KIAA1217: variants seen among roughly 807,000 people sequenced by gnomAD.
KIAA1217 encodes KIAA1217, also known as sickle tail protein homolog.
A neutral mutation model predicts 163.9 loss-of-function variants in KIAA1217; 88 were observed. That is an observed-to-expected ratio of 0.54 (90% CI 0.45 to 0.64). KIAA1217 has a LOEUF of 0.64. Among genes scored for constraint, KIAA1217 ranks in the 30% least tolerant of loss-of-function variants. KIAA1217 has a pLI of 0.00. For missense variants in KIAA1217, 2,372 were observed against 2,475.0 expected, an observed-to-expected ratio of 0.96 and a Z score of 0.88; for synonymous variants, 903 against 923.1, an observed-to-expected ratio of 0.98 and a Z score of 0.39.
chr10:23,768,708 G>C (rs1834658591), intron 1 of KIAA1217, among the ~76,000 whole-genome samples: 1 of 152,208 alleles, frequency 6.6e-6, no homozygotes, highest in South Asian at 2.1e-4. Context: ...ATGAGGGGTT[G>C]AGAAAATACC....
At chr10:23,696,160 AAGG>A (rs1203675027) in intron 1 of KIAA1217, among the ~76,000 whole-genome samples, 1 of 152,218 alleles carries the variant, frequency 6.6e-6, no homozygotes, top group East Asian at 1.9e-4. Context: ...GGATTCTCCC[AAGG>A]AGGTTTTCTT....
chr10:24,361,856 T>C (rs954403569), intron 2 of KIAA1217, among the ~76,000 whole-genome samples: 1 of 151,648 alleles, frequency 6.6e-6, no homozygotes, highest in South Asian at 2.1e-4. Flanking sequence ...GCGCCTGTAG[T>C]CCCAGCTACT....
intron 1 of KIAA1217, among the ~76,000 whole-genome samples, chr10:23,734,854 A>G (rs906611265): frequency 6.6e-6 from 1 of 151,954 alleles, no homozygotes; most frequent in Non-Finnish European, 1.5e-5. Flanking sequence ...GGCTCGTTAT[A>G]TAGGTGAACT....
chr10:24,027,662 AATAG>A lies in KIAA1217; in HGVS notation c.-171+20293_-171+20296del, dbSNP rs781527075. On this transcript the variant is annotated intron_variant, in intron 2 of 18. Coordinates refer to the KIAA1217 transcript ENST00000376462. ...ACAAATGGAAGAAAAATACCATGTT[AATAG>A]ATAGGAAAACTCAATAGTGTAAAAT... is the stretch of plus-strand genomic sequence containing the variant. Among the ~76,000 whole-genome samples, 10 of 152,268 alleles carry A rather than the reference AATAG, an allele frequency of 6.6e-5. No individual in the cohort carries two copies. In the South Asian group the frequency reaches 8.3e-4, roughly 13 times the overall value.
chr10:24,485,579 A>G (rs1174375795), intron 6 of KIAA1217, among the ~76,000 whole-genome samples: 2 of 152,308 alleles, frequency 1.3e-5, no homozygotes, highest in Admixed American at 6.5e-5. Flanking sequence ...TGTAAGTTCC[A>G]TGAGGGCAAG....
chr10:24,321,631 TG>T (rs1405977976), intron 2 of KIAA1217, among the ~76,000 whole-genome samples: 1 of 152,120 alleles, frequency 6.6e-6, no homozygotes, highest in African/African-American at 2.4e-5. Context: ...GGATGAACCT[TG>T]AGGACATTAT....
intron 1 of KIAA1217, among the ~76,000 whole-genome samples, chr10:23,980,308 A>C (rs1195199831): frequency 6.6e-6 from 1 of 152,220 alleles, no homozygotes; most frequent in East Asian, 1.9e-4. Context: ...GATCAAACAA[A>C]TGTCAGATGT....
chr10:24,294,710 C>A lies in KIAA1217; in HGVS notation c.354+74801C>A, dbSNP rs1267352670. On this transcript the variant is annotated intron_variant, in intron 2 of 20. Coordinates refer to ENST00000376454, the MANE Select transcript of KIAA1217 (RefSeq NM_019590.5). ...CATTTAATTAGGATTTAGAAAGGAA[C>A]GTGGAAACTTTAAGATCTCCATTTA... 2.0e-5 allele frequency among the ~76,000 whole-genome samples: 3 copies of A among 152,262 alleles called. No homozygotes were observed. The South Asian group carries it at 6.2e-4, about 32-fold the overall frequency.
chr10:24,210,784 C>A (rs925099510), intron 1 of KIAA1217, among the ~76,000 whole-genome samples: 1 of 152,072 alleles, frequency 6.6e-6, no homozygotes, highest in African/African-American at 2.4e-5. Flanking sequence ...ATTTAACTTC[C>A]AGTGTAAGGA....
chr10:24,500,967 G>C (rs1358825457), intron 8 of KIAA1217, among the ~76,000 whole-genome samples: 1 of 151,830 alleles, frequency 6.6e-6, no homozygotes, highest in Non-Finnish European at 1.5e-5. Context: ...TATTGGAAAA[G>C]CACAGCTGGA....
At chr10:23,715,733 A>C (rs1837529418) in intron 1 of KIAA1217, among the ~76,000 whole-genome samples, 1 of 152,188 alleles carries the variant, frequency 6.6e-6, no homozygotes, top group Admixed American at 6.6e-5. Flanking sequence ...AATATTAGGT[A>C]GAACTGATTC....
At chr10:24,156,672 T>A (rs923127571) in intron 2 of KIAA1217, among the ~76,000 whole-genome samples, 3 of 152,118 alleles carry the variant, frequency 2.0e-5, no homozygotes, top group Non-Finnish European at 4.4e-5. Flanking sequence ...CCACCTTCCC[T>A]AATCACCCCA....
chr10:24,135,754 TC>T lies in KIAA1217; in HGVS notation c.-170-83869del, dbSNP rs2063809380. On this transcript the variant is annotated intron_variant, in intron 2 of 18. Coordinates refer to the KIAA1217 transcript ENST00000376462. ...AAGACGCAGGAGACAGGGACTGTAGTCCCAGCTCTGCTGCGAAGCTTTCTGA... is the reference window on the plus strand; with the variant it reads ...AAGACGCAGGAGACAGGGACTGTAGTCCAGCTCTGCTGCGAAGCTTTCTGA... 3.3e-5 allele frequency among the ~76,000 whole-genome samples: 5 copies of T among 152,208 alleles called. No individual in the cohort carries two copies. The Middle Eastern group carries it at 0.014, about 414-fold the overall frequency.
chr10:23,790,610 CAT>C (rs1835878454), intron 1 of KIAA1217, among the ~76,000 whole-genome samples: 2 of 123,130 alleles, frequency 1.6e-5, no homozygotes, highest in Admixed American at 8.5e-5. Flanking sequence ...TACATATATA[CAT>C]ATGTATATAT....
chr10:24,394,005 T>C (rs1384785253), intron 3 of KIAA1217, among the ~76,000 whole-genome samples: 1 of 152,258 alleles, frequency 6.6e-6, no homozygotes, highest in Non-Finnish European at 1.5e-5. Flanking sequence ...GACATTAAAA[T>C]TGTGTTTGTC....
intron 2 of KIAA1217, among the ~76,000 whole-genome samples, chr10:24,160,003 A>C (rs1458849564): frequency 2.6e-5 from 4 of 152,150 alleles, no homozygotes; most frequent in Non-Finnish European, 4.4e-5. Flanking sequence ...TTTGTCAAAA[A>C]TCAGTTGTCT....
chr10:23,970,587 TTAATAA>T (rs1033447861), intron 1 of KIAA1217, among the ~76,000 whole-genome samples: 1 of 152,210 alleles, frequency 6.6e-6, no homozygotes, highest in African/African-American at 2.4e-5. Context: ...ATGACTATAG[TTAATAA>T]TAATGTATTG....
At chr10:24,293,024 G>A (rs1290351402) in intron 2 of KIAA1217, among the ~76,000 whole-genome samples, 3 of 151,988 alleles carry the variant, frequency 2.0e-5, no homozygotes, top group African/African-American at 4.8e-5. Flanking sequence ...ATGCATGCTC[G>A]GGAAGTTGTT....
intron 2 of KIAA1217, among the ~76,000 whole-genome samples, chr10:24,187,886 A>G (rs1171175688): frequency 6.6e-6 from 1 of 150,580 alleles, no homozygotes; most frequent in African/African-American, 2.4e-5. Flanking sequence ...GCAAAACTCC[A>G]TCTCAAAAAA....
Sources: allele counts gnomAD v4.1 joint callset (sites outside exome capture counted in the v4.1 genomes callset), GRCh38; gene constraint gnomAD v4.1.1; transcripts MANE v1.5; gene names NCBI Gene and HGNC (gene_info 2026-07-23, HGNC 2026-07-21).